Variants in CAPS2 observed in about 807,000 individuals in gnomAD.
CAPS2 encodes calcyphosin-2.
Under a neutral mutation model 86.5 loss-of-function variants are expected in CAPS2, and 98 were observed. The observed-to-expected ratio is 1.13, with a 90% confidence interval of 0.96 to 1.34. The LOEUF is 1.34. CAPS2 is among the 40% of genes most tolerant of loss of function. CAPS2 has a pLI of 0.00. For missense variants in CAPS2, 729 were observed against 686.8 expected (o/e 1.06, Z -0.69); for synonymous variants, 210 against 225.1 (o/e 0.93, Z 0.60).
chr12:75,300,502 G>C (rs868020299), intron 8 of CAPS2, among the ~76,000 whole-genome samples: 4 of 138,194 alleles, frequency 2.9e-5, no homozygotes, highest in Admixed American at 7.9e-5. Flanking sequence ...CTTGCAGTGA[G>C]CCGAGATCGC....
At chr12:75,278,453 AT>A in exon 17 of CAPS2, 1 of 985,654 alleles carries the variant, frequency 1.0e-6, no homozygotes. Context: ...AATTTATCAA[AT>A]TGACCATGGT....
intron 1 of CAPS2, chr12:75,369,918 T>C (rs1413094342): frequency 1.1e-5 from 14 of 1,232,208 alleles, no homozygotes; most frequent in African/African-American, 1.5e-5. Context: ...TGTTTTCTTG[T>C]TTTATAACAT....
At chr12:75,322,235 C>T (rs1001784123) in intron 4 of CAPS2, among the ~76,000 whole-genome samples, 2 of 152,092 alleles carry the variant, frequency 1.3e-5, no homozygotes, top group Non-Finnish European at 2.9e-5. Context: ...TGGTTCCCTA[C>T]CACATTTCCA....
At chr12:75,306,397 T>A in intron 7 of CAPS2, 1 of 391,678 alleles carries the variant, frequency 2.6e-6, no homozygotes, top group Non-Finnish European at 4.8e-6. Flanking sequence ...TTTCTGACCC[T>A]CACCAGGCCT....
chr12:75,278,606 C>T lies in CAPS2; in HGVS notation c.*284G>A, dbSNP rs181513122. 2.9e-4 allele frequency: 308 copies of T among 1,074,006 alleles called. 1 individual carries two copies. The highest frequency in any genetic ancestry group is 2.8e-3 in the South Asian group (63 of 22,128). 66.5% of individuals were successfully genotyped at this position (1,074,006 alleles called of 1,614,324 possible). A position where few individuals can be genotyped will look rare whatever the true frequency, so the allele number is the denominator to read the frequency against. Reference sequence around the variant, plus strand: ...AATAAAAAATGACCTCTAAAATATACGCAAGATAAGTAATAAACCAAAAAG... The same window carrying T: ...AATAAAAAATGACCTCTAAAATATATGCAAGATAAGTAATAAACCAAAAAG... On this transcript the variant is annotated 3_prime_UTR_variant, in exon 17 of 17. Transcript: ENST00000393284.
chr12:75,307,231 T>C (rs910398445), intron 7 of CAPS2, among the ~76,000 whole-genome samples: 50 of 152,236 alleles, frequency 3.3e-4, no homozygotes, highest in African/African-American at 1.1e-3. Context: ...GCTGTGAAGA[T>C]TAAATAAATT....
chr12:75,353,399 A>C (rs1436331611), intron 1 of CAPS2, among the ~76,000 whole-genome samples: 1 of 152,198 alleles, frequency 6.6e-6, no homozygotes, highest in African/African-American at 2.4e-5. Context: ...ATCTAGAAGA[A>C]ATTGATAAAT....
intron 1 of CAPS2, among the ~76,000 whole-genome samples, chr12:75,377,605 G>A (rs966618907): frequency 4.6e-5 from 7 of 152,138 alleles, no homozygotes; most frequent in African/African-American, 1.7e-4. Flanking sequence ...ACAGGAGAAA[G>A]ATGAAGGCTG....
At chr12:75,359,849 T>G (rs999887316) in intron 1 of CAPS2, 1 of 152,124 alleles carries the variant, frequency 6.6e-6, no homozygotes, top group Non-Finnish European at 1.5e-5. Context: ...TTTGTTCATT[T>G]TCACACTGCT....
intron 1 of CAPS2, among the ~76,000 whole-genome samples, chr12:75,335,937 A>G (rs1490847762): frequency 6.6e-6 from 1 of 151,970 alleles, no homozygotes; most frequent in Non-Finnish European, 1.5e-5. Flanking sequence ...AAAAAGAGTA[A>G]ATGTGGGGTT....
At chr12:75,375,246 C>A (rs1468160186) in intron 1 of CAPS2, among the ~76,000 whole-genome samples, 1 of 152,108 alleles carries the variant, frequency 6.6e-6, no homozygotes, top group East Asian at 1.9e-4. Flanking sequence ...TCCAGGGACC[C>A]ACTGGCCCCA....
intron 7 of CAPS2, among the ~76,000 whole-genome samples, chr12:75,307,188 A>G (rs2038608053): frequency 6.6e-6 from 1 of 152,242 alleles, no homozygotes; most frequent in African/African-American, 2.4e-5. Context: ...TCATTAATAA[A>G]AGAAAGAATA....
chr12:75,289,717 T>G (rs548767303), exon 14 of CAPS2: 1 of 1,613,150 alleles, frequency 6.2e-7, no homozygotes, highest in Non-Finnish European at 8.5e-7. Flanking sequence ...GTTGAAAATA[T>G]TTTCCCAATC....
intron 1 of CAPS2, among the ~76,000 whole-genome samples, chr12:75,337,822 T>G (rs1228520374): frequency 6.6e-6 from 1 of 152,024 alleles, no homozygotes; most frequent in Non-Finnish European, 1.5e-5. Flanking sequence ...TTTCTATTAT[T>G]ATTTTTCGAC....
intron 1 of CAPS2, among the ~76,000 whole-genome samples, chr12:75,336,448 A>G (rs2041746167): frequency 6.6e-6 from 1 of 151,838 alleles, no homozygotes; most frequent in Admixed American, 6.5e-5. Context: ...TCACAAATAG[A>G]TTAAAGTAAA....
rs977414544 is a variant in CAPS2, at chr12:75,282,404, T to G, written c.1516-57A>C. 2.7e-5 allele frequency: 31 copies of G among 1,134,534 alleles called. No homozygotes were observed. In the Admixed American group the frequency reaches 5.3e-4, roughly 19 times the overall value. The allele number at this position is 1,134,534 out of a possible 1,614,324, so 70.3% of individuals were successfully genotyped here. On this transcript the variant is annotated intron_variant, in intron 15 of 16. Coordinates refer to ENST00000393284, the Ensembl canonical transcript of CAPS2. The stretch of plus-strand genomic sequence containing the variant: ...GTTGGTTGGTTGTTTTGCTTTGCTT[T>G]GAGACAGAGTCTCGCTCTGTCACCC...
intron 1 of CAPS2, among the ~76,000 whole-genome samples, chr12:75,350,030 GT>G (rs2042702264): frequency 6.6e-6 from 1 of 152,262 alleles, no homozygotes; most frequent in South Asian, 2.1e-4. Context: ...TGTGGCTCCA[GT>G]TGGCCATTTT....
chr12:75,325,249 A>C, exon 2 of CAPS2: 1 of 1,549,424 alleles, frequency 6.5e-7, no homozygotes, highest in Non-Finnish European at 8.7e-7. Context: ...ACTGGTGGGC[A>C]AGAATTCTGG....
intron 1 of CAPS2, among the ~76,000 whole-genome samples, chr12:75,356,271 C>A (rs777360767): frequency 6.6e-6 from 1 of 152,060 alleles, no homozygotes; most frequent in Non-Finnish European, 1.5e-5. Flanking sequence ...ATTCTATACA[C>A]AGAAAATCTT....
Sources: gnomAD v4.1 joint callset for allele counts (sites outside exome capture counted in the v4.1 genomes callset) on GRCh38, gnomAD v4.1.1 for gene constraint, MANE v1.5 for transcripts, NCBI Gene and HGNC (gene_info 2026-07-23, HGNC 2026-07-21) for gene names.